The following DENND1A variants were observed in gnomAD, a reference collection of about 807,000 sequenced individuals.
The protein encoded by DENND1A is DENN domain-containing protein 1A.
DENND1A carries 51 observed loss-of-function variants against 113.7 expected under a neutral mutation model. The ratio of observed to expected loss-of-function variants is 0.45; its 90% CI spans 0.36 to 0.57. The LOEUF (loss-of-function observed/expected upper bound fraction) is 0.57. Ranked by LOEUF, DENND1A falls within the 20% of genes least tolerant of loss-of-function variation. DENND1A has a pLI of 0.00. For missense variants in DENND1A, 1,258 were observed against 1,395.9 expected, an observed-to-expected ratio of 0.90 and a Z score of 1.57; for synonymous variants, 565 against 570.8, an observed-to-expected ratio of 0.99 and a Z score of 0.14.
intron 19 of DENND1A, among the ~76,000 whole-genome samples, chr9:123,434,172 G>A (rs144587377): frequency 0.025 from 3,804 of 152,204 alleles, 159 homozygotes; most frequent in African/African-American, 0.084. Context: ...GACTACAGGC[G>A]CATGCCATCA....
chr9:123,587,077 C>A (rs2059208157), intron 11 of DENND1A, among the ~76,000 whole-genome samples: 2 of 151,576 alleles, frequency 1.3e-5, no homozygotes, highest in African/African-American at 2.4e-5. Context: ...GGGTCACCAG[C>A]TTCTGGTCCT....
In DENND1A at chr9:123,430,164, C is replaced by T. The variant is rs191940320; in HGVS notation, c.1488+10196G>A. ...TACCATCTCACACCAGTCAGAATAGCGATTATTAAAAAGTCAAGAAACAAC... is the reference window on the plus strand; with the variant it reads ...TACCATCTCACACCAGTCAGAATAGTGATTATTAAAAAGTCAAGAAACAAC... On this transcript the variant is annotated intron_variant, in intron 19 of 23. Transcript: ENST00000394215. Among the ~76,000 whole-genome samples, 27 of 152,104 alleles carry T rather than the reference C, an allele frequency of 1.8e-4. No individual in the cohort carries two copies. In the East Asian group the frequency reaches 3.9e-3, roughly 22 times the overall value.
intron 3 of DENND1A, among the ~76,000 whole-genome samples, chr9:123,785,515 T>G (rs537043167): frequency 1.3e-5 from 2 of 152,236 alleles, no homozygotes; most frequent in Admixed American, 6.5e-5. Flanking sequence ...TCTATGAACC[T>G]ATACTTAGAA....
At chr9:123,753,061 T>A (rs1406547592) in intron 5 of DENND1A, among the ~76,000 whole-genome samples, 1 of 152,226 alleles carries the variant, frequency 6.6e-6, no homozygotes, top group African/African-American at 2.4e-5. Flanking sequence ...TTGGTACGAC[T>A]AGGTTTCTGC....
chr9:123,421,828 C>A (rs2045331054), intron 19 of DENND1A, among the ~76,000 whole-genome samples: 2 of 152,220 alleles, frequency 1.3e-5, no homozygotes, highest in Non-Finnish European at 2.9e-5. Flanking sequence ...CCACTGGCAG[C>A]CCAGGAGAGT....
chr9:123,742,472 G>A (rs1008786152), intron 5 of DENND1A, among the ~76,000 whole-genome samples: 5 of 152,198 alleles, frequency 3.3e-5, no homozygotes, highest in African/African-American at 1.2e-4. Flanking sequence ...AATCCCTTGA[G>A]ATATTCCTGA....
chr9:123,830,873 G>GAAAAAAAAAAAAAAAAAAAAAAAAAAAA (rs71390447), intron 2 of DENND1A, among the ~76,000 whole-genome samples: 2 of 39,310 alleles, frequency 5.1e-5, no homozygotes, highest in Non-Finnish European at 9.1e-5. Flanking sequence ...TCTCAAAAAT[G>GAAAAAAAAAAAAAAAAAAAAAAAAAAAA]AAAAAAAAAA....
chr9:123,520,318 G>T (rs2054294496), intron 13 of DENND1A, among the ~76,000 whole-genome samples: 1 of 152,078 alleles, frequency 6.6e-6, no homozygotes, highest in Non-Finnish European at 1.5e-5. Context: ...AATTAGCCGG[G>T]CATGGTGACA....
chr9:123,632,150 C>A (rs1389984565), intron 9 of DENND1A, among the ~76,000 whole-genome samples: 2 of 152,140 alleles, frequency 1.3e-5, no homozygotes, highest in African/African-American at 4.8e-5. Flanking sequence ...TGATGTTTCA[C>A]AGTTGTGAGA....
intron 5 of DENND1A, among the ~76,000 whole-genome samples, chr9:123,695,481 G>A (rs1397201364): frequency 6.7e-6 from 1 of 149,646 alleles, no homozygotes; most frequent in African/African-American, 2.5e-5. Flanking sequence ...ATGTCATTGA[G>A]TTTTATATAT....
At chr9:123,665,383 A>G (rs999443637) in intron 8 of DENND1A, among the ~76,000 whole-genome samples, 2 of 152,162 alleles carry the variant, frequency 1.3e-5, no homozygotes, top group Admixed American at 6.5e-5. Flanking sequence ...AACATTAGCT[A>G]TTGTTGTTGA....
intron 9 of DENND1A, among the ~76,000 whole-genome samples, chr9:123,637,380 TC>T (rs1589452208): frequency 1.3e-5 from 2 of 152,254 alleles, no homozygotes; most frequent in Non-Finnish European, 1.5e-5. Flanking sequence ...AGAACTTGAT[TC>T]TTTTATTTAA....
chr9:123,598,477 A>C (rs1033227570), intron 11 of DENND1A, among the ~76,000 whole-genome samples: 3 of 150,836 alleles, frequency 2.0e-5, no homozygotes, highest in African/African-American at 7.3e-5. Context: ...AAAAAAAAAA[A>C]CCAACCCCAA....
At chr9:123,536,906 ACTT>A (rs2055826647) in intron 13 of DENND1A, among the ~76,000 whole-genome samples, 1 of 152,236 alleles carries the variant, frequency 6.6e-6, no homozygotes, top group African/African-American at 2.4e-5. Context: ...GCTTTCTGGA[ACTT>A]CTTCTCATTC....
chr9:123,690,961 G>T (rs1236647533), intron 5 of DENND1A, among the ~76,000 whole-genome samples: 2 of 152,208 alleles, frequency 1.3e-5, no homozygotes, highest in African/African-American at 4.8e-5. Context: ...TCAGTTCAGG[G>T]CAAGGATGGT....
intron 13 of DENND1A, among the ~76,000 whole-genome samples, chr9:123,495,662 T>G (rs2051848887): frequency 6.6e-6 from 1 of 152,204 alleles, no homozygotes. Flanking sequence ...GTTAGACTGT[T>G]AGATTCTTTT....
At chr9:123,907,445 C>G (rs1473467670) in intron 1 of DENND1A, among the ~76,000 whole-genome samples, 1 of 151,228 alleles carries the variant, frequency 6.6e-6, no homozygotes, top group African/African-American at 2.4e-5. Context: ...ATCTAGAAAA[C>G]CCCATTGTCT....
intron 13 of DENND1A, among the ~76,000 whole-genome samples, chr9:123,507,094 C>A (rs2053022410): frequency 6.6e-6 from 1 of 152,040 alleles, no homozygotes; most frequent in Non-Finnish European, 1.5e-5. Context: ...GAGGCTGAGG[C>A]ACGAGAATAG....
At chr9:123,888,805 A>G (rs1372278004) in intron 1 of DENND1A, among the ~76,000 whole-genome samples, 1 of 152,226 alleles carries the variant, frequency 6.6e-6, no homozygotes, top group African/African-American at 2.4e-5. Flanking sequence ...ACCTGAATGC[A>G]GTCTTAGGAT....
Sources: allele counts gnomAD v4.1 joint callset (sites outside exome capture counted in the v4.1 genomes callset), GRCh38; gene constraint gnomAD v4.1.1; transcripts MANE v1.5; gene names NCBI Gene and HGNC (gene_info 2026-07-23, HGNC 2026-07-21).